STAB2: variants seen among roughly 807,000 people sequenced by gnomAD.
STAB2 encodes stabilin 2, also known as stabilin-2.
In STAB2, 288 loss-of-function variants were observed where a neutral mutation model predicts 338.1. The observed-to-expected ratio is 0.85, with a 90% CI of 0.77 to 0.94. STAB2 has a LOEUF of 0.94. Among genes scored for constraint, STAB2 ranks in the 40% least tolerant of loss-of-function variants. STAB2 has a pLI of 0.00. For missense variants in STAB2, 3,141 were observed against 3,210.1 expected (o/e 0.98, Z 0.52); for synonymous variants, 1,202 against 1,193.3 (o/e 1.01, Z -0.15).
At chr12:103,738,547 C>T (rs761141603) in intron 53 of STAB2, among the ~76,000 whole-genome samples, 19 of 152,168 alleles carry the variant, frequency 1.2e-4, no homozygotes, top group South Asian at 2.1e-4. Context: ...CTAGGAATTT[C>T]AATAACTATC....
chr12:103,706,692 A>G, intron 37 of STAB2, 100 bp from the exon 38 acceptor site: 1 of 1,498,218 alleles, frequency 6.7e-7, no homozygotes, highest in African/African-American at 1.4e-5. Context: ...GGTCGAAGAA[A>G]CAGGTGCACA....
intron 21 of STAB2, 111 bp downstream of exon 21, chr12:103,669,738 T>C (rs1357897012): frequency 2.1e-6 from 2 of 939,040 alleles, no homozygotes; most frequent in Non-Finnish European, 3.3e-6. Flanking sequence ...GCAAAAGAAA[T>C]GACCCCTTAC....
In STAB2 at chr12:103,637,208, T is replaced by A. The variant is rs143944654; in HGVS notation, c.681T>A (p.Asn227Lys). 1.9e-6 allele frequency: 3 copies of A among 1,612,234 alleles called. No homozygotes were observed. In the African/African-American group the frequency reaches 4.0e-5, roughly 22 times the overall value. The change falls in exon 7 of 69, where the codon AAT becomes AAA. Residue 227 changes from asparagine (N) to lysine (K), a missense_variant. By Grantham distance (94) the Asn-to-Lys change is moderately conservative. Coordinates refer to ENST00000388887, the MANE Select transcript of STAB2 (RefSeq NM_017564.10). ...ENKLECKCLP[N>K]YRGDGKYCDP... ...AACTGGAATGCAAATGCCTTCCCAA[T>A]TACCGAGGCGATGGCAAATACTGCG...
At chr12:103,733,438 A>T (rs1881802129) in intron 51 of STAB2, among the ~76,000 whole-genome samples, 1 of 152,136 alleles carries the variant, frequency 6.6e-6, no homozygotes, top group African/African-American at 2.4e-5. Context: ...CAAGAGCATC[A>T]TTCCTCTCTC....
chr12:103,766,159 A>C (rs1312194630), intron 68 of STAB2, 127 bp from the exon 69 acceptor site: 1 of 1,288,168 alleles, frequency 7.8e-7, no homozygotes, highest in Non-Finnish European at 1.1e-6. Context: ...ACAAACAAAC[A>C]CGCCCAGCAC....
chr12:103,612,455 C>T (rs1270085374), intron 3 of STAB2, among the ~76,000 whole-genome samples: 1 of 152,190 alleles, frequency 6.6e-6, no homozygotes, highest in Non-Finnish European at 1.5e-5. Flanking sequence ...ATCACTGATA[C>T]CCTTTCTTCC....
intron 52 of STAB2, among the ~76,000 whole-genome samples, chr12:103,735,940 G>A (rs1254524266): frequency 6.6e-6 from 1 of 152,100 alleles, no homozygotes; most frequent in Non-Finnish European, 1.5e-5. Flanking sequence ...CCCCACCACT[G>A]TGACCTCACC....
At chr12:103,588,008 T>A (rs1226003445) in intron 1 of STAB2, among the ~76,000 whole-genome samples, 1 of 152,198 alleles carries the variant, frequency 6.6e-6, no homozygotes, top group African/African-American at 2.4e-5. Context: ...CACCCTTTCA[T>A]CTCTTCTGCC....
intron 28 of STAB2, 107 bp downstream of exon 28, chr12:103,688,322 T>C (rs1363298212): frequency 9.2e-7 from 1 of 1,083,806 alleles, no homozygotes; most frequent in Non-Finnish European, 1.4e-6. Flanking sequence ...TGTAGGCAAT[T>C]GTGCTGAGCA....
At chr12:103,600,234 T>A (rs1261267491) in intron 3 of STAB2, among the ~76,000 whole-genome samples, 2 of 152,232 alleles carry the variant, frequency 1.3e-5, no homozygotes, top group African/African-American at 4.8e-5. Context: ...TTGTGTAGCT[T>A]ATGGTCCCAT....
In STAB2 at chr12:103,640,149, C is replaced by T. The variant is rs781551820; in HGVS notation, c.933C>T (p.Tyr311=). 7.4e-6 allele frequency: 12 copies of T among 1,613,472 alleles called. No homozygotes were observed. The South Asian group carries it at 1.2e-4, about 16-fold the overall frequency. The change falls in exon 9 of 69, where the codon TAC becomes TAT. Residue 311 remains tyrosine, a synonymous_variant. Transcript: ENST00000388887. Reference sequence around the variant, plus strand: ...CTCACTGCGAGTGTAAGGAGCATTACCAGAATTTCGTACCTGGAGTGGGGT... The same window carrying T: ...CTCACTGCGAGTGTAAGGAGCATTATCAGAATTTCGTACCTGGAGTGGGGT... ...GQSHCECKEH[Y]QNFVPGVGCS... is the part of the protein sequence containing the mutation.
Position 103,746,716 on chromosome 12 carries a change from T to G in STAB2, c.6244+12T>G. On this transcript the variant is annotated intron_variant, in intron 58 of 68. Coordinates refer to ENST00000388887, the MANE Select transcript of STAB2 (RefSeq NM_017564.10). ...AATCACATGCACAGGTAAGCCACCT[T>G]TGTGCACAGGTGAAATAGCAGCATG... 2 of 1,612,136 alleles carry G rather than the reference T, an allele frequency of 1.2e-6. No individual in the cohort carries two copies. The highest frequency in any genetic ancestry group is 1.7e-6 in the Non-Finnish European group (2 of 1,178,654).
At chr12:103,593,465 T>G (rs1956829740) in intron 2 of STAB2, among the ~76,000 whole-genome samples, 1 of 152,236 alleles carries the variant, frequency 6.6e-6, no homozygotes, top group African/African-American at 2.4e-5. Context: ...CCACTTGTAT[T>G]CTTTCAAAAT....
chr12:103,719,692 A>T (rs777029565), intron 44 of STAB2, among the ~76,000 whole-genome samples: 3 of 152,140 alleles, frequency 2.0e-5, no homozygotes, highest in Non-Finnish European at 4.4e-5. Flanking sequence ...TTATCTGGAG[A>T]TCCTTAATTA....
rs146125357 is a variant in STAB2, at chr12:103,601,918, C to T, written c.331+7408C>T. On this transcript the variant is annotated intron_variant, in intron 3 of 68. Transcript: ENST00000388887. ...CAATCATTTTTTGGATATTAATTGCCTTTTCCACACCAGTCTTTGAGACAC... is the reference window on the plus strand; with the variant it reads ...CAATCATTTTTTGGATATTAATTGCTTTTTCCACACCAGTCTTTGAGACAC... Among the ~76,000 whole-genome samples the T allele has an allele frequency of 2.6e-5, 4 of 152,232 alleles. No individual in the cohort carries two copies. In the East Asian group the frequency reaches 7.7e-4, roughly 29 times the overall value.
At position 103,753,313 on chromosome 12, in the gene STAB2, C is replaced by T. The variant is rs201865716; in HGVS notation, c.6674C>T (p.Ala2225Val). 1.3e-5 allele frequency: 21 copies of T among 1,614,232 alleles called. No individual in the cohort carries two copies. The highest frequency in any genetic ancestry group is 2.2e-5 in the East Asian group (1 of 44,888). ...KAREACANEA[A>V]TMATYNQLSY... ...AGAGAGGCCTGTGCCAACGAAGCTG[C>T]GACCATGGCAACCTACAACCAGCTC... The change falls in exon 61 of 69, where the codon GCG becomes GTG. Residue 2225 changes from alanine to valine, a missense_variant. Coordinates refer to ENST00000388887, the MANE Select transcript of STAB2 (RefSeq NM_017564.10).
chr12:103,665,977 C>T (rs1325144115), intron 18 of STAB2, among the ~76,000 whole-genome samples: 1 of 152,182 alleles, frequency 6.6e-6, no homozygotes, highest in Non-Finnish European at 1.5e-5. Flanking sequence ...CAGGTGCCTC[C>T]CTGCATGCAG....
At chr12:103,670,196 A>C (rs2138812413) in intron 21 of STAB2, among the ~76,000 whole-genome samples, 1 of 152,278 alleles carries the variant, frequency 6.6e-6, no homozygotes, top group African/African-American at 2.4e-5. Context: ...GACAAGGAGA[A>C]TAGGGAGAGG....
At position 103,699,151 on chromosome 12, in the gene STAB2, AC is replaced by A. The variant is rs769605709; in HGVS notation, c.3640del (p.Leu1214CysfsTer28). ...VVLEEKLLKN[D>X]LHNGMHRETM... is the part of the protein sequence containing the mutation. ...CTGGAGGAGAAACTCCTGAAGAATG[AC>A]CTGCACAATGGCATGCATCGTGAGA... On this transcript the variant is annotated frameshift_variant, in exon 34 of 69. Coordinates refer to ENST00000388887, the MANE Select transcript of STAB2 (RefSeq NM_017564.10). LOFTEE classifies it high-confidence loss of function. 1.2e-5 allele frequency: 19 copies of A among 1,613,404 alleles called. No homozygotes were observed. The highest frequency in any genetic ancestry group is 1.5e-5 in the Non-Finnish European group (18 of 1,179,644).
Sources: allele counts gnomAD v4.1 joint callset (sites outside exome capture counted in the v4.1 genomes callset), GRCh38; gene constraint gnomAD v4.1.1; transcripts MANE v1.5; gene names NCBI Gene and HGNC (gene_info 2026-07-23, HGNC 2026-07-21).